PCDHGA3: variants seen among roughly 807,000 people sequenced by gnomAD.
PCDHGA3 encodes the protein protocadherin gamma-A3.
In PCDHGA3, 40 loss-of-function variants were observed where a neutral mutation model predicts 58.5. The observed-to-expected ratio is 0.68, with a 90% CI of 0.53 to 0.89. The LOEUF is 0.89. PCDHGA3 is among the 40% of genes least tolerant of loss of function. The pLI is 0.00. For synonymous variants in PCDHGA3, 530 were observed against 525.7 expected, an observed-to-expected ratio of 1.01 and a Z score of -0.11; for missense variants, 1,223 against 1,195.9, an observed-to-expected ratio of 1.02 and a Z score of -0.33.
intron 1 of PCDHGA3, chr5:141,391,637 G>T (rs2092401462): frequency 1.3e-5 from 2 of 152,192 alleles, no homozygotes; most frequent in Admixed American, 6.5e-5. Flanking sequence ...TTTAGTCAGT[G>T]AAAAAACTAT....
At chr5:141,441,791 C>T in intron 1 of PCDHGA3, 1 of 390,714 alleles carries the variant, frequency 2.6e-6, no homozygotes, top group Non-Finnish European at 5.1e-6. Flanking sequence ...TGAATGACAA[C>T]GCACCGCGGG....
intron 1 of PCDHGA3, chr5:141,414,753 T>A: frequency 6.2e-7 from 1 of 1,614,202 alleles, no homozygotes; most frequent in Non-Finnish European, 8.5e-7. Flanking sequence ...CCTTCGACTA[T>A]GAGCAGTTTC....
At chr5:141,357,260 C>A (rs1760525551) in intron 1 of PCDHGA3, 1 of 1,613,796 alleles carries the variant, frequency 6.2e-7, no homozygotes, top group Non-Finnish European at 8.5e-7. Flanking sequence ...CCAGACGACT[C>A]GGGCCTCACA....
chr5:141,351,380 C>A, intron 1 of PCDHGA3: 1 of 1,612,118 alleles, frequency 6.2e-7, no homozygotes, highest in Non-Finnish European at 8.5e-7. Context: ...GGATTCTGGG[C>A]AAAATGGCAT....
At chr5:141,428,098 A>G in intron 1 of PCDHGA3, 1 of 1,608,664 alleles carries the variant, frequency 6.2e-7, no homozygotes, top group Non-Finnish European at 8.5e-7. Flanking sequence ...CTGTCCTACC[A>G]CGTGCTGCAG....
chr5:141,399,812 C>T (rs1561672586), intron 1 of PCDHGA3: 1 of 1,613,222 alleles, frequency 6.2e-7, no homozygotes, highest in South Asian at 1.1e-5. Context: ...CTGTACCCCG[C>T]GCTGGGTCCC....
In PCDHGA3 at chr5:141,476,504, G is replaced by A; in HGVS notation, c.2425-18303G>A. On this transcript the variant is annotated intron_variant, in intron 1 of 3. Coordinates refer to ENST00000253812, the MANE Select transcript of PCDHGA3 (RefSeq NM_018916.4). This position sits in a 1 kb window ranked among gnomAD's most constrained non-coding sequence, Gnocchi z 7.6. ...GGAAGTGGTGATCCAGGACATCAAC[G>A]ACAACAATCCTGCTTTCCCTACCCA... The A allele has an allele frequency of 6.2e-7, 1 of 1,614,098 alleles. No individual in the cohort carries two copies. The highest frequency in any genetic ancestry group is 2.2e-5 in the East Asian group (1 of 44,854).
chr5:141,407,735 T>C (rs2094975330), intron 1 of PCDHGA3, among the ~76,000 whole-genome samples: 1 of 152,246 alleles, frequency 6.6e-6, no homozygotes, highest in Non-Finnish European at 1.5e-5. Context: ...GTTCACTATA[T>C]ATACTCCCTA....
intron 1 of PCDHGA3, chr5:141,389,575 C>T: frequency 1.2e-6 from 2 of 1,613,242 alleles, no homozygotes; most frequent in African/African-American, 1.3e-5. Context: ...CTGTACCCCG[C>T]GCTGGGTCCC....
intron 1 of PCDHGA3, chr5:141,367,909 A>C (rs1765390409): frequency 1.3e-5 from 2 of 150,836 alleles, no homozygotes; most frequent in Admixed American, 6.6e-5. Flanking sequence ...TTGTATTTGA[A>C]AAAAAAAGAA....
At chr5:141,374,458 C>T (rs1183222146) in intron 1 of PCDHGA3, 1 of 1,613,426 alleles carries the variant, frequency 6.2e-7, no homozygotes. Flanking sequence ...AAATAGTGGA[C>T]ATTAATGACA....
At chr5:141,406,189 C>G (rs1277183811) in intron 1 of PCDHGA3, among the ~76,000 whole-genome samples, 1 of 151,722 alleles carries the variant, frequency 6.6e-6, no homozygotes, top group Admixed American at 6.6e-5. Context: ...CCTCCCACCT[C>G]AGCCTTCACA....
intron 1 of PCDHGA3, chr5:141,405,524 A>T (rs1430059160): frequency 7.4e-6 from 5 of 677,158 alleles, no homozygotes; most frequent in Non-Finnish European, 1.2e-5. Context: ...AATTCAAGCG[A>T]TTCTCCTGCC....
At chr5:141,437,796 G>A (rs2097911691) in intron 1 of PCDHGA3, among the ~76,000 whole-genome samples, 1 of 150,348 alleles carries the variant, frequency 6.7e-6, no homozygotes, top group South Asian at 2.1e-4. Context: ...GGAGTGCAGT[G>A]GCACTATCTT....
rs1225265096 is a variant in PCDHGA3 at position 141,490,666 on chromosome 5, G to A, written c.2425-4141G>A. Reference sequence around the variant, plus strand: ...GCCTCCGGGCTCCCTTCTTTGCACTGTGGCTGCCTCAGATCCAGACACTGG... The same window carrying A: ...GCCTCCGGGCTCCCTTCTTTGCACTATGGCTGCCTCAGATCCAGACACTGG... On this transcript the variant is annotated intron_variant, in intron 1 of 3. Coordinates refer to ENST00000253812, the MANE Select transcript of PCDHGA3 (RefSeq NM_018916.4). The surrounding 1 kb of genome is among the most constrained non-coding windows in gnomAD (Gnocchi z 5.4). The A allele has an allele frequency of 1.2e-6, 2 of 1,614,134 alleles. No homozygotes were observed. The highest frequency in any genetic ancestry group is 3.3e-5 in the Admixed American group (2 of 60,026).
In PCDHGA3 at chr5:141,489,180, C is replaced by T. The variant is rs942218118; in HGVS notation, c.2425-5627C>T. 7.9e-7 allele frequency: 1 copy of T among 1,259,748 alleles called. No homozygotes were observed. The highest frequency in any genetic ancestry group is 2.0e-4 in the Middle Eastern group (1 of 5,096). The allele number at this position is 1,259,748 out of a possible 1,614,324, so 78.0% of individuals were successfully genotyped here. A position where few individuals can be genotyped will look rare whatever the true frequency, so the allele number is the denominator to read the frequency against. On this transcript the variant is annotated intron_variant, in intron 1 of 3. Coordinates refer to ENST00000253812, the MANE Select transcript of PCDHGA3 (RefSeq NM_018916.4). This position sits in a 1 kb window ranked among gnomAD's most constrained non-coding sequence, Gnocchi z 4.5. ...GACTTCAGCTGCTGCATTCCAAGCCCTGGGTCTACCTTGGAGACAGGACAG... is the reference window on the plus strand; with the variant it reads ...GACTTCAGCTGCTGCATTCCAAGCCTTGGGTCTACCTTGGAGACAGGACAG...
intron 1 of PCDHGA3, among the ~76,000 whole-genome samples, chr5:141,469,909 C>G (rs760329158): frequency 2.0e-5 from 3 of 152,120 alleles, no homozygotes; most frequent in Non-Finnish European, 2.9e-5. Context: ...GGCAGGCAGA[C>G]CACCCGAGGT....
At chr5:141,438,591 C>CATACATAT (rs1228520343) in intron 1 of PCDHGA3, among the ~76,000 whole-genome samples, 2 of 75,562 alleles carry the variant, frequency 2.6e-5, no homozygotes, top group African/African-American at 4.5e-5. Context: ...TACATACATA[C>CATACATAT]ATATATATAT....
intron 1 of PCDHGA3, among the ~76,000 whole-genome samples, chr5:141,463,573 C>T (rs1331124291): frequency 6.6e-6 from 1 of 151,436 alleles, no homozygotes; most frequent in East Asian, 1.9e-4. Flanking sequence ...CTCAGCCTCC[C>T]GAGTAGCTGG....
Sources: allele counts gnomAD v4.1 joint callset (sites outside exome capture counted in the v4.1 genomes callset), GRCh38; gene constraint gnomAD v4.1.1; non-coding constraint Gnocchi (gnomAD v3.1); transcripts MANE v1.5; gene names NCBI Gene and HGNC (gene_info 2026-07-23, HGNC 2026-07-21).